The following CCDC171 variants were observed in gnomAD, a reference collection of about 807,000 sequenced individuals.
CCDC171 encodes coiled-coil domain-containing protein 171.
A neutral mutation model predicts 168.2 loss-of-function variants in CCDC171; 177 were observed. That is an observed-to-expected ratio of 1.05 (90% CI 0.93 to 1.19). The LOEUF (loss-of-function observed/expected upper bound fraction) is 1.19. CCDC171 is among the 50% of genes most tolerant of loss of function. The pLI is 0.00. For synonymous variants in CCDC171, 687 were observed against 540.8 expected (o/e 1.27, Z -3.75); for missense variants, 1,991 against 1,539.0 (o/e 1.29, Z -4.91).
intron 21 of CCDC171, among the ~76,000 whole-genome samples, chr9:15,826,986 A>C (rs1338124127): frequency 6.6e-6 from 1 of 152,210 alleles, no homozygotes; most frequent in African/African-American, 2.4e-5. Flanking sequence ...ATGAAGAAAA[A>C]AATGCTAACT....
chr9:15,709,354 A>C (rs978488334), intron 11 of CCDC171, among the ~76,000 whole-genome samples: 2 of 152,194 alleles, frequency 1.3e-5, no homozygotes, highest in Non-Finnish European at 2.9e-5. Flanking sequence ...TACAATTAAC[A>C]TTTTAGATTG....
At chr9:15,870,017 A>G (rs2061967452) in intron 23 of CCDC171, among the ~76,000 whole-genome samples, 1 of 151,608 alleles carries the variant, frequency 6.6e-6, no homozygotes, top group South Asian at 2.1e-4. Context: ...GGCTTGGTGA[A>G]CCATATGGTC....
intron 17 of CCDC171, among the ~76,000 whole-genome samples, chr9:15,745,103 T>C (rs1306822759): frequency 6.6e-6 from 1 of 152,194 alleles, no homozygotes; most frequent in Non-Finnish European, 1.5e-5. Context: ...AAAACTGCCC[T>C]GTTTCAAATT....
At chr9:15,863,573 T>C (rs2061650576) in intron 23 of CCDC171, among the ~76,000 whole-genome samples, 1 of 152,106 alleles carries the variant, frequency 6.6e-6, no homozygotes, top group Admixed American at 6.6e-5. Flanking sequence ...ATATTTTGCT[T>C]CTTTTTTCTT....
intron 21 of CCDC171, among the ~76,000 whole-genome samples, chr9:15,797,508 G>A (rs932825023): frequency 6.6e-6 from 1 of 152,118 alleles, no homozygotes; most frequent in African/African-American, 2.4e-5. Flanking sequence ...GAGCCACTGT[G>A]TTTGGCCAAC....
chr9:16,004,093 C>T (rs767824698), intron 3 of CCDC171, among the ~76,000 whole-genome samples: 3 of 152,128 alleles, frequency 2.0e-5, no homozygotes, highest in Non-Finnish European at 4.4e-5. Flanking sequence ...AAGGAACACG[C>T]GGGAGTTTGT....
At chr9:15,756,444 G>T (rs546808021) in intron 18 of CCDC171, among the ~76,000 whole-genome samples, 1 of 152,094 alleles carries the variant, frequency 6.6e-6, no homozygotes, top group African/African-American at 2.4e-5. Context: ...TGGGTATATT[G>T]TGTGATGCTG....
At chr9:15,618,928 TGCAGACTGCCGCTG>T (rs2044300719) in intron 6 of CCDC171, among the ~76,000 whole-genome samples, 2 of 152,164 alleles carry the variant, frequency 1.3e-5, no homozygotes, top group South Asian at 4.2e-4. Context: ...CGCTGGGAGC[TGCAGACTGCCGCTG>T]TTTCTATTTG....
intron 6 of CCDC171, among the ~76,000 whole-genome samples, chr9:15,615,622 A>G (rs1008995439): frequency 6.6e-6 from 1 of 152,148 alleles, no homozygotes; most frequent in Admixed American, 6.5e-5. Flanking sequence ...GCTCTAACTG[A>G]TTGGCCTTTG....
intron 24 of CCDC171, among the ~76,000 whole-genome samples, chr9:15,902,281 T>TATACAC (rs1554673437): frequency 6.1e-4 from 88 of 145,204 alleles, no homozygotes; most frequent in African/African-American, 2.2e-3. Context: ...TATATATATA[T>TATACAC]ACACACACAC....
chr9:15,700,535 C>A (rs1047755245), intron 11 of CCDC171, among the ~76,000 whole-genome samples: 2 of 152,250 alleles, frequency 1.3e-5, no homozygotes, highest in African/African-American at 4.8e-5. Flanking sequence ...CGCCAAGGTT[C>A]GAGCCCAGGC....
intron 6 of CCDC171, among the ~76,000 whole-genome samples, chr9:15,599,911 C>G (rs2042697112): frequency 6.6e-6 from 1 of 152,168 alleles, no homozygotes; most frequent in African/African-American, 2.4e-5. Context: ...TCTTCCATCA[C>G]TGATACCCTT....
chr9:15,572,200 T>C (rs990396347), intron 3 of CCDC171, among the ~76,000 whole-genome samples: 1 of 152,192 alleles, frequency 6.6e-6, no homozygotes, highest in African/African-American at 2.4e-5. Context: ...TATTAGTATG[T>C]ATGTGTGTGT....
intron 7 of CCDC171, among the ~76,000 whole-genome samples, chr9:15,631,266 G>GA: frequency 6.6e-6 from 1 of 151,704 alleles, no homozygotes; most frequent in Admixed American, 6.6e-5. Context: ...AAAATTGATA[G>GA]ACAGCTAGCA....
At chr9:15,650,627 G>C (rs1321255472) in intron 7 of CCDC171, among the ~76,000 whole-genome samples, 1 of 152,060 alleles carries the variant, frequency 6.6e-6, no homozygotes, top group Non-Finnish European at 1.5e-5. Context: ...AACGTGCTCA[G>C]ATATATGATT....
intron 1 of CCDC171, among the ~76,000 whole-genome samples, chr9:16,044,135 A>G (rs1359780700): frequency 3.3e-5 from 5 of 152,142 alleles, no homozygotes; most frequent in African/African-American, 9.7e-5. Context: ...ACAATACACT[A>G]CTTCTTTTCA....
intron 12 of CCDC171, among the ~76,000 whole-genome samples, chr9:15,723,029 C>T (rs765515518): frequency 1.4e-4 from 21 of 152,158 alleles, no homozygotes; most frequent in Non-Finnish European, 1.8e-4. Flanking sequence ...ACTCAGCAGG[C>T]TTTGGCTTAG....
At chr9:15,583,305 C>T in intron 4 of CCDC171, among the ~76,000 whole-genome samples, 1 of 150,552 alleles carries the variant, frequency 6.6e-6, no homozygotes. Context: ...GTCCCAGCTA[C>T]TTGGGAGGCT....
chr9:16,094,040 A>G, the CCDC171 span, among the ~76,000 whole-genome samples: 1 of 152,206 alleles, frequency 6.6e-6, no homozygotes, highest in Admixed American at 6.5e-5. Context: ...GCTAGTGGCT[A>G]AGAGCATGGA....
Sources: gnomAD v4.1 joint callset for allele counts (sites outside exome capture counted in the v4.1 genomes callset) on GRCh38, gnomAD v4.1.1 for gene constraint, MANE v1.5 for transcripts, NCBI Gene and HGNC (gene_info 2026-07-23, HGNC 2026-07-21) for gene names.